DENR: variants seen among roughly 807,000 people sequenced by gnomAD.
DENR encodes density-regulated protein.
DENR carries 6 observed loss-of-function variants against 30.6 expected under a neutral mutation model. The ratio of observed to expected loss-of-function variants is 0.20; its 90% CI spans 0.11 to 0.39. The LOEUF is 0.39. Among genes scored for constraint, DENR ranks in the 10% least tolerant of loss-of-function variants. The pLI, the probability that DENR is intolerant of heterozygous loss-of-function variation, is 1.00. For missense variants in DENR, 141 were observed against 230.9 expected, an observed-to-expected ratio of 0.61 and a Z score of 2.52; for synonymous variants, 78 against 72.1, an observed-to-expected ratio of 1.08 and a Z score of -0.41.
Position 122,769,614 on chromosome 12 carries a change from CT to C in DENR, c.*537del. The C allele has an allele frequency of 2.7e-6, 1 of 363,994 alleles. No individual in the cohort carries two copies. Among genetic ancestry groups the C allele is most frequent in the Non-Finnish European group, 4.0e-6 (1 of 251,488 alleles). The allele number at this position is 363,994 out of a possible 1,614,324, so 22.5% of individuals were successfully genotyped here. A position where few individuals can be genotyped will look rare whatever the true frequency, so the allele number is the denominator to read the frequency against. On this transcript the variant is annotated 3_prime_UTR_variant, in exon 8 of 8. Transcript: ENST00000280557. ...CTCCGCCTCCCGGGTTCAAGTGATT[CT>C]CCTGCCTCAGCCTCCCAAGTAGGTG...
rs115057875 is a variant in DENR at position 122,755,573 on chromosome 12, C to T, written c.106+1766C>T. Reference sequence around the variant, plus strand: ...CCACCCGGGCAACAGTGCGAGACCCCATCTCAAAAATAAAAAACAAAACTA... The same window carrying T: ...CCACCCGGGCAACAGTGCGAGACCCTATCTCAAAAATAAAAAACAAAACTA... On this transcript the variant is annotated intron_variant, in intron 2 of 7. Coordinates refer to ENST00000280557, the MANE Select transcript of DENR (RefSeq NM_003677.5). Among the ~76,000 whole-genome samples, 976 of 152,152 alleles carry T rather than the reference C, an allele frequency of 6.4e-3. 13 individuals are homozygous for T. Among genetic ancestry groups the T allele is most frequent in the African/African-American group, 0.022 (904 of 41,436 alleles).
chr12:122,760,587 C>T (rs548524999), intron 2 of DENR, among the ~76,000 whole-genome samples: 3 of 152,144 alleles, frequency 2.0e-5, no homozygotes, highest in Admixed American at 6.5e-5. Context: ...AAAAATTAGC[C>T]GGGCGCGGTG....
chr12:122,769,331 T>G lies in DENR; in HGVS notation c.*253T>G. 1.0e-6 allele frequency: 1 copy of G among 972,358 alleles called. No individual in the cohort carries two copies. The allele number at this position is 972,358 out of a possible 1,614,324, so 60.2% of individuals were successfully genotyped here. ...ACACATATGTATACATATATATATATTCTACAGTAAAACTGTAGACTGTCC... is the reference window on the plus strand; with the variant it reads ...ACACATATGTATACATATATATATAGTCTACAGTAAAACTGTAGACTGTCC... On this transcript the variant is annotated 3_prime_UTR_variant, in exon 8 of 8. Transcript: ENST00000280557.
intron 2 of DENR, among the ~76,000 whole-genome samples, chr12:122,755,552 C>T (rs2135507657): frequency 6.6e-6 from 1 of 152,250 alleles, no homozygotes; most frequent in Middle Eastern, 3.4e-3. Context: ...GCACTCCCAC[C>T]CGGGCAACAG....
intron 5 of DENR, among the ~76,000 whole-genome samples, chr12:122,766,558 A>G (rs891383904): frequency 6.6e-6 from 1 of 152,178 alleles, no homozygotes; most frequent in Non-Finnish European, 1.5e-5. Flanking sequence ...GCTTTATCCC[A>G]GAAGCACCTC....
intron 2 of DENR, among the ~76,000 whole-genome samples, chr12:122,760,053 A>G (rs1878654195): frequency 6.6e-6 from 1 of 152,164 alleles, no homozygotes; most frequent in South Asian, 2.1e-4. Flanking sequence ...GTGTGGTAGC[A>G]TGTTAGAATG....
In DENR at chr12:122,770,373, G is replaced by A. The variant is rs1315529948; in HGVS notation, c.*1295G>A. The A allele has an allele frequency of 2.7e-6, 1 of 369,060 alleles. No homozygotes were observed. Among genetic ancestry groups the A allele is most frequent in the Non-Finnish European group, 4.8e-6 (1 of 208,524 alleles). 22.9% of individuals were successfully genotyped at this position (369,060 alleles called of 1,614,324 possible). A position where few individuals can be genotyped will look rare whatever the true frequency, so the allele number is the denominator to read the frequency against. On this transcript the variant is annotated 3_prime_UTR_variant, in exon 8 of 8. Coordinates refer to ENST00000280557, the MANE Select transcript of DENR (RefSeq NM_003677.5). ...ATTTTCTAAGATTATTTGGAAGCAT[G>A]TTTGGTAATGTCAAGTGGAGTACCC... is the stretch of plus-strand genomic sequence containing the variant.
chr12:122,764,423 C>T (rs1409271218), intron 4 of DENR, among the ~76,000 whole-genome samples: 5 of 152,082 alleles, frequency 3.3e-5, no homozygotes. Flanking sequence ...CACGGTGAAA[C>T]CCTGTCTTTA....
At chr12:122,761,227 C>T (rs1878691523) in intron 2 of DENR, among the ~76,000 whole-genome samples, 1 of 151,262 alleles carries the variant, frequency 6.6e-6, no homozygotes, top group Admixed American at 6.6e-5. Flanking sequence ...GTCTGGCCAA[C>T]ATGGTGAAAC....
rs1423373315 is a variant in DENR at position 122,770,585 on chromosome 12, G to GA, written c.*1511dup. ...AATTGAAACATGTCTTCTCACAAGA[G>GA]AAAATGACAGTTTTAATGATGTATT... On this transcript the variant is annotated 3_prime_UTR_variant, in exon 8 of 8. Transcript: ENST00000280557. 23 of 398,406 alleles carry GA rather than the reference G, an allele frequency of 5.8e-5. No individual in the cohort carries two copies. The East Asian group carries it at 8.2e-4, about 14-fold the overall frequency. The allele number at this position is 398,406 out of a possible 1,614,324, so 24.7% of individuals were successfully genotyped here.
At chr12:122,753,858 T>G in intron 2 of DENR, 51 bp downstream of exon 2, 1 of 1,373,914 alleles carries the variant, frequency 7.3e-7, no homozygotes, top group Non-Finnish European at 1.0e-6. Flanking sequence ...CTTTTATGCA[T>G]TGTAATAACA....
Position 122,770,561 on chromosome 12 carries a change from A to G in DENR, c.*1483A>G, listed in dbSNP as rs1006006545. The G allele has an allele frequency of 7.5e-6, 3 of 398,314 alleles. No homozygotes were observed. The highest frequency in any genetic ancestry group is 1.3e-5 in the Non-Finnish European group (3 of 225,988). The allele number at this position is 398,314 out of a possible 1,614,324, so 24.7% of individuals were successfully genotyped here. A position where few individuals can be genotyped will look rare whatever the true frequency, so the allele number is the denominator to read the frequency against. Reference sequence around the variant, plus strand: ...TCAATATATAGTCCTGGAAATAGCAATTGAAACATGTCTTCTCACAAGAGA... The same window carrying G: ...TCAATATATAGTCCTGGAAATAGCAGTTGAAACATGTCTTCTCACAAGAGA... On this transcript the variant is annotated 3_prime_UTR_variant, in exon 8 of 8. Transcript: ENST00000280557.
chr12:122,767,768 A>G (rs1878885982), intron 6 of DENR, among the ~76,000 whole-genome samples, 164 bp downstream of exon 6: 1 of 152,238 alleles, frequency 6.6e-6, no homozygotes, highest in East Asian at 1.9e-4. Context: ...TCAAAATCAA[A>G]TTTTAGAGAA....
chr12:122,758,325 C>T (rs1406501248), intron 2 of DENR, among the ~76,000 whole-genome samples: 1 of 152,052 alleles, frequency 6.6e-6, no homozygotes, highest in Non-Finnish European at 1.5e-5. Context: ...CCGCCTCGGC[C>T]TCCCAAAGTG....
At chr12:122,762,055 G>A (rs1469927885) in intron 2 of DENR, 132 bp from the exon 3 acceptor site, 1 of 536,378 alleles carries the variant, frequency 1.9e-6, no homozygotes, top group African/African-American at 1.9e-5. Context: ...CATTTGAAAA[G>A]TGGTATAGAA....
intron 2 of DENR, chr12:122,754,120 G>A (rs1223142565): frequency 2.8e-6 from 1 of 359,214 alleles, no homozygotes; most frequent in Non-Finnish European, 5.4e-6. Context: ...GGAAGATTAT[G>A]AGTTAAGGAT....
In DENR at chr12:122,762,170, T is replaced by C; in HGVS notation, c.107-17T>C. ...TAGGTTTAACATTTCAAATCTTTTT[T>C]CTTTTTACTTCCTCAGTCTGTTCAT... On this transcript the variant is annotated splice_polypyrimidine_tract_variant and intron_variant, in intron 2 of 7. Coordinates refer to ENST00000280557, the MANE Select transcript of DENR (RefSeq NM_003677.5). 2.1e-6 allele frequency: 3 copies of C among 1,412,164 alleles called. No individual in the cohort carries two copies. Among genetic ancestry groups the C allele is most frequent in the Non-Finnish European group, 2.9e-6 (3 of 1,039,298 alleles). The allele number at this position is 1,412,164 out of a possible 1,614,324, so 87.5% of individuals were successfully genotyped here.
intron 3 of DENR, among the ~76,000 whole-genome samples, 156 bp from the exon 4 acceptor site, chr12:122,762,689 T>C (rs995264638): frequency 1.3e-5 from 2 of 152,346 alleles, no homozygotes; most frequent in African/African-American, 2.4e-5. Context: ...ATGGGACATA[T>C]CGTGGTTGAA....
chr12:122,759,351 A>C (rs1243083739), intron 2 of DENR, among the ~76,000 whole-genome samples: 1 of 152,210 alleles, frequency 6.6e-6, no homozygotes, highest in African/African-American at 2.4e-5. Context: ...TGTAAAGAGA[A>C]ATTGACTTTT....
Sources: gnomAD v4.1 joint callset for allele counts (sites outside exome capture counted in the v4.1 genomes callset) on GRCh38, gnomAD v4.1.1 for gene constraint, MANE v1.5 for transcripts, NCBI Gene and HGNC (gene_info 2026-07-23, HGNC 2026-07-21) for gene names.